ZMYND12: variants seen among roughly 807,000 people sequenced by gnomAD.
ZMYND12 encodes zinc finger MYND domain-containing protein 12.
Under a neutral mutation model 41.7 loss-of-function variants are expected in ZMYND12, and 32 were observed. The ratio of observed to expected loss-of-function variants is 0.77; its 90% confidence interval spans 0.58 to 1.03. The LOEUF is 1.03. ZMYND12 is among the 50% of genes least tolerant of loss of function. ZMYND12 has a pLI of 0.00. For synonymous variants in ZMYND12, 148 were observed against 164.8 expected (o/e 0.90, Z 0.78); for missense variants, 424 against 438.5 (o/e 0.97, Z 0.30).
chr1:42,454,114 A>G (rs999078080), intron 1 of ZMYND12, among the ~76,000 whole-genome samples: 2 of 152,212 alleles, frequency 1.3e-5, no homozygotes, highest in Non-Finnish European at 2.9e-5. Context: ...GGTTCCTAGC[A>G]GAGAGAACAG....
chr1:42,436,883 C>A (rs1642913959), intron 4 of ZMYND12, among the ~76,000 whole-genome samples: 1 of 152,038 alleles, frequency 6.6e-6, no homozygotes, highest in Non-Finnish European at 1.5e-5. Context: ...TAAAAGGGTG[C>A]AGCCTCTGTG....
chr1:42,432,624 G>A (rs1029558101), intron 7 of ZMYND12, among the ~76,000 whole-genome samples: 1 of 151,950 alleles, frequency 6.6e-6, no homozygotes, highest in Non-Finnish European at 1.5e-5. Flanking sequence ...TGACCCTCTC[G>A]GTGCCTCAGT....
At chr1:42,446,038 A>G (rs1643020683) in intron 3 of ZMYND12, among the ~76,000 whole-genome samples, 1 of 152,214 alleles carries the variant, frequency 6.6e-6, no homozygotes, top group Non-Finnish European at 1.5e-5. Context: ...TGAGCAGGGC[A>G]TTCCTGCAGG....
intron 6 of ZMYND12, among the ~76,000 whole-genome samples, chr1:42,434,781 A>T (rs1314641636): frequency 6.6e-6 from 1 of 151,954 alleles, no homozygotes; most frequent in Non-Finnish European, 1.5e-5. Context: ...CTACATTATG[A>T]TGCATGGTAT....
chr1:42,439,394 T>C (rs1232357134), intron 4 of ZMYND12, among the ~76,000 whole-genome samples: 2 of 152,102 alleles, frequency 1.3e-5, no homozygotes, highest in East Asian at 1.9e-4. Context: ...GCCTTCCGAG[T>C]ATCTCGGACT....
rs189213334 is a variant in ZMYND12, at chr1:42,446,545, G to A, written c.424+1922C>T. ...CACACACCTGTTGTCCCAGCTACTCGGGAGGCTGAGGCAGGAGAATTGCTT... is the reference window on the plus strand; with the variant it reads ...CACACACCTGTTGTCCCAGCTACTCAGGAGGCTGAGGCAGGAGAATTGCTT... On this transcript the variant is annotated intron_variant, in intron 3 of 7. Coordinates refer to ENST00000372565, the MANE Select transcript of ZMYND12 (RefSeq NM_032257.5). Among the ~76,000 whole-genome samples the A allele has an allele frequency of 5.7e-4, 87 of 152,016 alleles. 1 individual carries two copies. Among genetic ancestry groups the A allele is most frequent in the African/African-American group, 1.9e-3 (78 of 41,440 alleles).
intron 1 of ZMYND12, among the ~76,000 whole-genome samples, chr1:42,450,359 T>C (rs1643070772): frequency 6.6e-6 from 1 of 152,206 alleles, no homozygotes; most frequent in Non-Finnish European, 1.5e-5. Flanking sequence ...TCTCTTTTAT[T>C]TCTGCAAGGT....
At chr1:42,440,082 G>A in intron 3 of ZMYND12, 57 bp from the exon 4 acceptor site, 1 of 1,508,926 alleles carries the variant, frequency 6.6e-7, no homozygotes, top group South Asian at 1.4e-5. Context: ...GAACACATGA[G>A]GAAATATGAG....
chr1:42,453,202 G>A (rs1399456605), intron 1 of ZMYND12, among the ~76,000 whole-genome samples: 2 of 151,644 alleles, frequency 1.3e-5, no homozygotes, highest in African/African-American at 4.8e-5. Flanking sequence ...TGGAGAAAAG[G>A]AAGCAAAAAA....
intron 6 of ZMYND12, among the ~76,000 whole-genome samples, 186 bp from the exon 7 acceptor site, chr1:42,433,474 G>A (rs1035300578): frequency 4.6e-5 from 7 of 152,146 alleles, no homozygotes; most frequent in Admixed American, 2.0e-4. Context: ...AGGAAGCTCC[G>A]AAGCAGGAGT....
rs566905960 is a variant in ZMYND12 at position 42,435,172 on chromosome 1, G to T, written c.829+102C>A. 48 of 858,776 alleles carry T rather than the reference G, an allele frequency of 5.6e-5. No individual in the cohort carries two copies. The African/African-American group carries it at 7.1e-4, about 13-fold the overall frequency. The allele number at this position is 858,776 out of a possible 1,614,324, so 53.2% of individuals were successfully genotyped here. ...GCAACATGGGGAAGGTGGCAATGGT[G>T]TGCTTCATGACAGGGACAGCTGCTT... is the stretch of plus-strand genomic sequence containing the variant. On this transcript the variant is annotated intron_variant, in intron 6 of 7. Transcript: ENST00000372565.
At chr1:42,445,448 A>C (rs1643014285) in intron 3 of ZMYND12, among the ~76,000 whole-genome samples, 1 of 151,458 alleles carries the variant, frequency 6.6e-6, no homozygotes, top group Non-Finnish European at 1.5e-5. Flanking sequence ...AAAAAAAAAA[A>C]AGGGGAGACC....
At chr1:42,435,939 G>C (rs1409073005) in intron 5 of ZMYND12, among the ~76,000 whole-genome samples, 2 of 152,158 alleles carry the variant, frequency 1.3e-5, no homozygotes, top group Non-Finnish European at 2.9e-5. Context: ...TGCTAAGTGA[G>C]GTGTTACTAT....
At chr1:42,435,080 A>G (rs1642892611) in intron 6 of ZMYND12, among the ~76,000 whole-genome samples, 194 bp downstream of exon 6, 1 of 152,112 alleles carries the variant, frequency 6.6e-6, no homozygotes, top group African/African-American at 2.4e-5. Flanking sequence ...GTGTGATGAT[A>G]GGGATCTGAA....
chr1:42,452,642 G>A (rs1212822077), intron 1 of ZMYND12, among the ~76,000 whole-genome samples: 1 of 152,144 alleles, frequency 6.6e-6, no homozygotes, highest in African/African-American at 2.4e-5. Context: ...GACAGAGGTT[G>A]CAGTGAGCCA....
intron 3 of ZMYND12, among the ~76,000 whole-genome samples, chr1:42,440,497 C>A (rs1171944763): frequency 6.6e-6 from 1 of 151,840 alleles, no homozygotes; most frequent in Admixed American, 6.6e-5. Context: ...GAGTCCAATG[C>A]AAGGGAGGCA....
At chr1:42,455,749 AGGG>A in intron 1 of ZMYND12, 136 bp downstream of exon 1, 1 of 616,142 alleles carries the variant, frequency 1.6e-6, no homozygotes, top group Non-Finnish European at 2.9e-6. Context: ...CGGGAGTCTT[AGGG>A]GCCTGTCTTA....
chr1:42,438,945 G>A (rs1045679152), intron 4 of ZMYND12, among the ~76,000 whole-genome samples: 13 of 152,252 alleles, frequency 8.5e-5, no homozygotes, highest in African/African-American at 2.4e-4. Flanking sequence ...CTTAAATTTT[G>A]AAAGAACAAT....
Position 42,435,348 on chromosome 1 carries a change from T to C in ZMYND12, c.755A>G (p.Tyr252Cys), listed in dbSNP as rs1642894819. Residue 252 changes from tyrosine to cysteine, a missense_variant, in exon 6 of 8, where the codon TAT becomes TGT. Tyr to Cys is a radical substitution (Grantham distance 194). Transcript: ENST00000372565. Reference protein sequence around the residue: ...EIWHAYLNNHYQVLSQAHIQQ... With the variant: ...EIWHAYLNNHCQVLSQAHIQQ... The stretch of plus-strand genomic sequence containing the variant: ...GATGTGAGCCTGTGAGAGGACTTGA[T>C]AGTGATTGTTCAAATATGCATGCCA... 1.9e-6 allele frequency: 3 copies of C among 1,613,924 alleles called. No homozygotes were observed. Among genetic ancestry groups the C allele is most frequent in the East Asian group, 2.2e-5 (1 of 44,890 alleles).
Sources: gnomAD v4.1 joint callset for allele counts (sites outside exome capture counted in the v4.1 genomes callset) on GRCh38, gnomAD v4.1.1 for gene constraint, MANE v1.5 for transcripts, NCBI Gene and HGNC (gene_info 2026-07-23, HGNC 2026-07-21) for gene names.